Variants in ZBTB46 observed in about 807,000 individuals in gnomAD.
ZBTB46 encodes the protein zinc finger and BTB domain-containing protein 46.
A neutral mutation model predicts 44.1 loss-of-function variants in ZBTB46; 8 were observed. That is an observed-to-expected ratio of 0.18 (90% confidence interval 0.11 to 0.33). The LOEUF (loss-of-function observed/expected upper bound fraction) is 0.33, where lower values mean the gene tolerates loss of function less well. ZBTB46 is among the 10% of genes least tolerant of loss of function. The pLI, the probability that ZBTB46 is intolerant of heterozygous loss-of-function variation, is 1.00. For missense variants in ZBTB46, 651 were observed against 847.7 expected (o/e 0.77, Z 2.88); for synonymous variants, 409 against 382.3 (o/e 1.07, Z -0.81).
At chr20:63,753,167 T>G (rs2092186810) in intron 3 of ZBTB46, among the ~76,000 whole-genome samples, 1 of 152,182 alleles carries the variant, frequency 6.6e-6, no homozygotes, top group Admixed American at 6.5e-5. Context: ...CGGCCAATGC[T>G]GAACACAGTG....
chr20:63,801,537 T>G (rs575905867), intron 1 of ZBTB46, among the ~76,000 whole-genome samples: 1 of 152,286 alleles, frequency 6.6e-6, no homozygotes, highest in South Asian at 2.1e-4. Flanking sequence ...CTTTCATACA[T>G]TGAAAGTGTT....
intron 2 of ZBTB46, among the ~76,000 whole-genome samples, chr20:63,786,692 A>G (rs987978837): frequency 7.9e-5 from 12 of 152,026 alleles, no homozygotes; most frequent in African/African-American, 2.9e-4. Flanking sequence ...TTGTATATTT[A>G]GTAGAGACGG....
intron 3 of ZBTB46, among the ~76,000 whole-genome samples, chr20:63,766,637 G>A (rs1568843417): frequency 6.6e-6 from 1 of 152,156 alleles, no homozygotes; most frequent in East Asian, 1.9e-4. Flanking sequence ...CGGCCTGTGT[G>A]GACTGCTCTC....
Position 63,803,894 on chromosome 20 carries a change from G to A in ZBTB46, c.-33-13104C>T, listed in dbSNP as rs147011763. On this transcript the variant is annotated intron_variant, in intron 1 of 4. Transcript: ENST00000245663. The surrounding 1 kb of genome is among the most constrained non-coding windows in gnomAD (Gnocchi z 4.0). ...GCTAATTTTTTTGTTTTGTAGAGAC[G>A]GGGTTCTGTCGTGTTGCCCAGGTTG... 6.8e-4 allele frequency among the ~76,000 whole-genome samples: 103 copies of A among 152,258 alleles called. 1 individual carries two copies. The South Asian group carries it at 0.011, about 16-fold the overall frequency.
At chr20:63,785,224 C>CAAAAAAAA (rs368838708) in intron 2 of ZBTB46, among the ~76,000 whole-genome samples, 6 of 96,710 alleles carry the variant, frequency 6.2e-5, no homozygotes, top group Non-Finnish European at 9.8e-5. Context: ...GAGCGAGACT[C>CAAAAAAAA]AAAAAAAAAA....
chr20:63,748,604 A>G (rs913933517), intron 4 of ZBTB46, among the ~76,000 whole-genome samples: 4 of 152,174 alleles, frequency 2.6e-5, no homozygotes, highest in African/African-American at 9.6e-5. Flanking sequence ...GAGGACCCCA[A>G]TAGCAACCCC....
rs1466053977 is a variant in ZBTB46 at position 63,752,365 on chromosome 20, C to A, written c.1398+321G>T. 1.4e-5 allele frequency among the ~76,000 whole-genome samples: 2 copies of A among 143,698 alleles called. No individual in the cohort carries two copies. Among genetic ancestry groups the A allele is most frequent in the Non-Finnish European group, 3.1e-5 (2 of 64,854 alleles). The allele number at this position is 143,698 out of a possible 152,430, so 94.3% of individuals were successfully genotyped here. On this transcript the variant is annotated intron_variant, in intron 4 of 4. Transcript: ENST00000245663. The surrounding 1 kb of genome is among the most constrained non-coding windows in gnomAD (Gnocchi z 5.6). ...TCTCCCTCCCGAGGCAGGGCGGGGG[C>A]GGGGGGGCGCAGAGGTGGCTGAGGG... is the stretch of plus-strand genomic sequence containing the variant.
intron 2 of ZBTB46, among the ~76,000 whole-genome samples, chr20:63,785,192 A>G (rs570125159): frequency 7.1e-6 from 1 of 140,822 alleles, no homozygotes; most frequent in Non-Finnish European, 1.5e-5. Context: ...AGATTGCACC[A>G]CTGCACTCCA....
intron 1 of ZBTB46, among the ~76,000 whole-genome samples, chr20:63,793,092 C>G (rs955407774): frequency 3.3e-5 from 5 of 152,208 alleles, no homozygotes; most frequent in Admixed American, 3.3e-4. Flanking sequence ...GGAAGGGCCT[C>G]AAGCCCCCAA....
At chr20:63,794,822 C>G (rs1031115681) in intron 1 of ZBTB46, among the ~76,000 whole-genome samples, 3 of 152,218 alleles carry the variant, frequency 2.0e-5, no homozygotes, top group Non-Finnish European at 4.4e-5. Context: ...CCCCTGGCCA[C>G]AGGACACACC....
chr20:63,807,805 C>T (rs2092690840), intron 1 of ZBTB46, among the ~76,000 whole-genome samples: 1 of 152,296 alleles, frequency 6.6e-6, no homozygotes, highest in African/African-American at 2.4e-5. Context: ...GGCGGCGCCT[C>T]AGGGCTCGCT....
chr20:63,755,558 T>C (rs1283971729), intron 3 of ZBTB46, among the ~76,000 whole-genome samples: 3 of 152,236 alleles, frequency 2.0e-5, no homozygotes, highest in Non-Finnish European at 4.4e-5. Context: ...CTTTATCACA[T>C]CTGCAAGACC....
intron 1 of ZBTB46, among the ~76,000 whole-genome samples, chr20:63,798,830 C>T (rs1363214554): frequency 1.4e-5 from 2 of 144,204 alleles, no homozygotes; most frequent in Non-Finnish European, 3.0e-5. Context: ...GGTGACAGAG[C>T]GAGACTCTGT....
At chr20:63,775,378 G>A (rs2092415997) in intron 3 of ZBTB46, 5 of 319,934 alleles carry the variant, frequency 1.6e-5, no homozygotes, top group Non-Finnish European at 2.9e-5. Context: ...CGACCCGGAC[G>A]AGCTCGCATT....
intron 1 of ZBTB46, among the ~76,000 whole-genome samples, chr20:63,821,177 G>A (rs1019752685): frequency 3.4e-5 from 5 of 146,028 alleles, no homozygotes; most frequent in East Asian, 2.1e-4. Flanking sequence ...GAGCCACTGC[G>A]CCCGGCCTTT....
upstream of ZBTB46, among the ~76,000 whole-genome samples, chr20:63,832,112 G>T (rs1386674850): frequency 6.6e-6 from 1 of 152,048 alleles, no homozygotes; most frequent in Non-Finnish European, 1.5e-5. The surrounding 1 kb of genome is among the most constrained non-coding windows in gnomAD (Gnocchi z 5.0). Context: ...CCGGGAGGGG[G>T]CGGGAACCAG....
chr20:63,760,650 G>A (rs893912676), intron 3 of ZBTB46, among the ~76,000 whole-genome samples: 1 of 152,002 alleles, frequency 6.6e-6, no homozygotes, highest in Non-Finnish European at 1.5e-5. Flanking sequence ...TAGAGACAGG[G>A]TTTCACCGTG....
intron 2 of ZBTB46, among the ~76,000 whole-genome samples, chr20:63,781,131 A>G (rs1218417619): frequency 7.8e-6 from 1 of 128,030 alleles, no homozygotes. Flanking sequence ...GCAGAGCAAG[A>G]CTCTGCCTCA....
intron 1 of ZBTB46, among the ~76,000 whole-genome samples, chr20:63,794,003 G>A (rs957100838): frequency 4.6e-5 from 7 of 151,994 alleles, no homozygotes; most frequent in East Asian, 1.9e-4. Context: ...TGGCTAACAC[G>A]GTGAAACCCC....
Sources: gnomAD v4.1 joint callset for allele counts (sites outside exome capture counted in the v4.1 genomes callset) on GRCh38, gnomAD v4.1.1 for gene constraint, Gnocchi (gnomAD v3.1) non-coding constraint, MANE v1.5 for transcripts, NCBI Gene and HGNC (gene_info 2026-07-23, HGNC 2026-07-21) for gene names.